The following FOXO3 variants were observed in gnomAD, a reference collection of about 807,000 sequenced individuals.
The protein encoded by FOXO3 is forkhead box O3.
A neutral mutation model predicts 41.9 loss-of-function variants in FOXO3; 4 were observed. That is an observed-to-expected ratio of 0.10 (90% CI 0.05 to 0.22). The LOEUF (loss-of-function observed/expected upper bound fraction) is 0.22, where lower values mean the gene tolerates loss of function less well. FOXO3 is among the 10% of genes least tolerant of loss of function. The pLI, the probability that FOXO3 is intolerant of heterozygous loss-of-function variation, is 1.00. For synonymous variants in FOXO3, 318 were observed against 389.3 expected, an observed-to-expected ratio of 0.82 and a Z score of 2.16; for missense variants, 534 against 906.8, an observed-to-expected ratio of 0.59 and a Z score of 5.28.
At chr6:108,677,546 C>T (rs1297289179) in intron 2 of FOXO3, among the ~76,000 whole-genome samples, 1 of 152,154 alleles carries the variant, frequency 6.6e-6, no homozygotes, top group African/African-American at 2.4e-5. Context: ...TAATTAATAC[C>T]CAAGGGAACT....
chr6:108,606,185 G>T (rs530886703), intron 1 of FOXO3, among the ~76,000 whole-genome samples: 2 of 152,296 alleles, frequency 1.3e-5, no homozygotes, highest in South Asian at 4.1e-4. Context: ...AGACTCATCA[G>T]AACCTCTTCC....
chr6:108,664,261 G>A lies in FOXO3; in HGVS notation c.1428G>A (p.Ser476=). The part of the protein sequence containing the change: ...GNQTLQDLLT[S]DSLSHSDVMM... Reference sequence around the variant, plus strand: ...AGACACTCCAGGACCTGCTCACTTCGGACTCACTTAGCCACAGCGATGTCA... The same window carrying A: ...AGACACTCCAGGACCTGCTCACTTCAGACTCACTTAGCCACAGCGATGTCA... The change falls in exon 2 of 3, where the codon TCG becomes TCA. Residue 476 remains serine, a synonymous_variant. Transcript: ENST00000406360. 5 of 1,607,044 alleles carry A rather than the reference G, an allele frequency of 3.1e-6. No individual in the cohort carries two copies. The highest frequency in any genetic ancestry group is 4.3e-6 in the Non-Finnish European group (5 of 1,174,612).
intron 2 of FOXO3, among the ~76,000 whole-genome samples, chr6:108,666,713 A>C (rs2128388514): frequency 6.6e-6 from 1 of 152,054 alleles, no homozygotes; most frequent in African/African-American, 2.4e-5. Flanking sequence ...GGTTAGAAAA[A>C]AAGCGGGGAG....
chr6:108,642,879 A>G (rs2128379873), intron 1 of FOXO3, among the ~76,000 whole-genome samples: 1 of 152,304 alleles, frequency 6.6e-6, no homozygotes, highest in South Asian at 2.1e-4. Flanking sequence ...TGGTTCCATA[A>G]AGTCCAGTTA....
At chr6:108,575,884 T>G (rs1315502855) in intron 1 of FOXO3, among the ~76,000 whole-genome samples, 1 of 152,218 alleles carries the variant, frequency 6.6e-6, no homozygotes, top group African/African-American at 2.4e-5. Context: ...ACTCAAACAT[T>G]CTTTCAAATT....
chr6:108,569,341 A>T (rs893192597), intron 1 of FOXO3, among the ~76,000 whole-genome samples: 1 of 152,178 alleles, frequency 6.6e-6, no homozygotes, highest in Non-Finnish European at 1.5e-5. Context: ...TCACCATTTT[A>T]TTCCTGACCA....
intron 1 of FOXO3, among the ~76,000 whole-genome samples, chr6:108,562,138 G>A (rs1319307485): frequency 6.6e-6 from 1 of 152,092 alleles, no homozygotes; most frequent in African/African-American, 2.4e-5. Flanking sequence ...GGACAGCACC[G>A]AGGAGGTAGG....
chr6:108,660,046 C>T (rs1336575517), intron 1 of FOXO3, among the ~76,000 whole-genome samples: 1 of 152,156 alleles, frequency 6.6e-6, no homozygotes, highest in African/African-American at 2.4e-5. Context: ...TTGGTGTGAT[C>T]TCCTTCCAGA....
chr6:108,650,192 A>G (rs1778509679), intron 1 of FOXO3, among the ~76,000 whole-genome samples: 1 of 152,152 alleles, frequency 6.6e-6, no homozygotes, highest in Non-Finnish European at 1.5e-5. Context: ...ATCCTCAGGA[A>G]TGCCCTTAGA....
chr6:108,663,648 C>T lies in FOXO3; in HGVS notation c.815C>T (p.Ala272Val). 6.2e-7 allele frequency: 1 copy of T among 1,613,198 alleles called. No individual in the cohort carries two copies. Among genetic ancestry groups the T allele is most frequent in the Non-Finnish European group, 8.5e-7 (1 of 1,179,464 alleles). The change falls in exon 2 of 3, where the codon GCA becomes GTA. Residue 272 changes from alanine (A) to valine (V), a missense_variant. Physicochemically the swap from Ala to Val is moderately conservative, Grantham distance 64. Around this residue, in one of 8 missense-constraint regions of FOXO3, gnomAD observed 77 missense variants for 193.2 expected, o/e 0.40. Coordinates refer to ENST00000406360, the MANE Select transcript of FOXO3 (RefSeq NM_001455.4). ...KSRGRAAKKKAALQTAPESAD... is the reference protein window; with the variant it reads ...KSRGRAAKKKVALQTAPESAD... ...CGTGGCCGCGCAGCCAAGAAGAAGG[C>T]AGCCCTGCAGACAGCCCCCGAATCA... is the stretch of plus-strand genomic sequence containing the variant.
At chr6:108,627,392 A>C (rs1429097198) in intron 1 of FOXO3, among the ~76,000 whole-genome samples, 3 of 152,168 alleles carry the variant, frequency 2.0e-5, no homozygotes, top group Admixed American at 6.6e-5. Flanking sequence ...GGGGGTATGA[A>C]AACTGGTCCT....
At chr6:108,670,885 G>T (rs141627417) in intron 2 of FOXO3, among the ~76,000 whole-genome samples, 16 of 152,312 alleles carry the variant, frequency 1.1e-4, no homozygotes, top group Non-Finnish European at 1.8e-4. Flanking sequence ...TGGTAGGCCC[G>T]TGTTGGTAGA....
chr6:108,666,312 A>T lies in FOXO3; in HGVS notation c.*34+1423A>T, dbSNP rs1268968770. ...GTAGTTTGCCCAAGGTTACAGAGCT[A>T]GGTTGATTTCTTTTTTTTTCTTTTT... On this transcript the variant is annotated intron_variant, in intron 2 of 2. Coordinates refer to ENST00000406360, the MANE Select transcript of FOXO3 (RefSeq NM_001455.4). 2.0e-5 allele frequency among the ~76,000 whole-genome samples: 3 copies of T among 151,902 alleles called. No homozygotes were observed. The South Asian group carries it at 6.2e-4, about 32-fold the overall frequency.
At chr6:108,621,118 A>G (rs1777651269) in intron 1 of FOXO3, among the ~76,000 whole-genome samples, 1 of 152,230 alleles carries the variant, frequency 6.6e-6, no homozygotes, top group South Asian at 2.1e-4. Context: ...AAGATTGGAA[A>G]AAAATAGAGT....
At chr6:108,624,930 C>T (rs769009622) in intron 1 of FOXO3, among the ~76,000 whole-genome samples, 7 of 151,972 alleles carry the variant, frequency 4.6e-5, no homozygotes, top group Non-Finnish European at 1.0e-4. Flanking sequence ...CCACCACGCT[C>T]AGTGTTTTTT....
At chr6:108,634,355 A>G (rs1778057327) in intron 1 of FOXO3, among the ~76,000 whole-genome samples, 1 of 152,138 alleles carries the variant, frequency 6.6e-6, no homozygotes, top group Non-Finnish European at 1.5e-5. Flanking sequence ...AGAGATAAGA[A>G]TCTGACCTGG....
chr6:108,635,633 G>C (rs1389669487), intron 1 of FOXO3, among the ~76,000 whole-genome samples: 1 of 152,200 alleles, frequency 6.6e-6, no homozygotes, highest in Non-Finnish European at 1.5e-5. Context: ...GAGGTGCCTT[G>C]CCTTTCTGCT....
intron 1 of FOXO3, chr6:108,618,351 C>A: frequency 1.7e-6 from 1 of 573,020 alleles, no homozygotes; most frequent in Admixed American, 2.5e-5. Context: ...ACTGAACGAG[C>A]ACATGAGCAG....
Position 108,637,987 on chromosome 6 carries a change from A to G in FOXO3, c.622-25468A>G, listed in dbSNP as rs138604506. 7.9e-5 allele frequency among the ~76,000 whole-genome samples: 12 copies of G among 152,354 alleles called. No individual in the cohort carries two copies. The East Asian group carries it at 2.3e-3, about 29-fold the overall frequency. Reference sequence around the variant, plus strand: ...TTGTGTTTCCAAATTTGTGAAATAAATATACTTAGAAGAAAAAAATGAAAA... The same window carrying G: ...TTGTGTTTCCAAATTTGTGAAATAAGTATACTTAGAAGAAAAAAATGAAAA... On this transcript the variant is annotated intron_variant, in intron 1 of 2. Coordinates refer to ENST00000406360, the MANE Select transcript of FOXO3 (RefSeq NM_001455.4).
Sources: gnomAD v4.1 joint callset for allele counts (sites outside exome capture counted in the v4.1 genomes callset) on GRCh38, gnomAD v4.1.1 for gene constraint, gnomAD v4.1.1 regional missense constraint, MANE v1.5 for transcripts, NCBI Gene and HGNC (gene_info 2026-07-23, HGNC 2026-07-21) for gene names.